The following IQSEC3 variants were observed in gnomAD, a reference collection of about 807,000 sequenced individuals.
The protein encoded by IQSEC3 is IQ motif and SEC7 domain-containing protein 3.
In IQSEC3, 50 loss-of-function variants were observed where a neutral mutation model predicts 105.4. That is an observed-to-expected ratio of 0.47 (90% CI 0.38 to 0.60). The LOEUF (loss-of-function observed/expected upper bound fraction) is 0.60, where lower values mean the gene tolerates loss of function less well. Ranked by LOEUF, IQSEC3 falls within the 20% of genes least tolerant of loss-of-function variation. The probability of loss-of-function intolerance (pLI) is 0.00; values close to 1 mark genes in which losing one functional copy is unlikely to be tolerated. For missense variants in IQSEC3, 1,415 were observed against 1,630.0 expected (o/e 0.87, Z 2.27); for synonymous variants, 708 against 746.0 (o/e 0.95, Z 0.83).
chr12:72,190 G>A (rs1555067709), intron 1 of IQSEC3, among the ~76,000 whole-genome samples: 1 of 152,184 alleles, frequency 6.6e-6, no homozygotes, highest in Non-Finnish European at 1.5e-5. Flanking sequence ...TTTTCCTGCT[G>A]GCCCAAAACC....
intron 3 of IQSEC3, chr12:137,767 C>G (rs1865826513): frequency 6.5e-6 from 1 of 154,798 alleles, no homozygotes; most frequent in African/African-American, 2.4e-5. Context: ...AGTCCTCCCA[C>G]CTCAGCCTTC....
At chr12:132,270 TG>T (rs1355489844) in intron 3 of IQSEC3, among the ~76,000 whole-genome samples, 3 of 151,866 alleles carry the variant, frequency 2.0e-5, no homozygotes, top group Non-Finnish European at 4.4e-5. Flanking sequence ...GGGAGCCTCG[TG>T]GGGGCGGTCG....
At chr12:113,219 C>T (rs1486169232) in intron 2 of IQSEC3, among the ~76,000 whole-genome samples, 3 of 152,230 alleles carry the variant, frequency 2.0e-5, no homozygotes, top group Non-Finnish European at 4.4e-5. Flanking sequence ...AGCATCGATA[C>T]TGCATTTTCC....
intron 2 of IQSEC3, among the ~76,000 whole-genome samples, chr12:104,229 A>G (rs1864563917): frequency 6.6e-6 from 1 of 152,080 alleles, no homozygotes; most frequent in Non-Finnish European, 1.5e-5. Flanking sequence ...TGGCCGAGGG[A>G]CCACTGCTAA....
At position 139,082 on chromosome 12, in the gene IQSEC3, G is replaced by C; in HGVS notation, c.1719G>C (p.Glu573Asp). ...GGGCCACAGCCCCCAAAACAGAGGA[G>C]GAAGAGGAGGAGGAGGAGACGGCGG... ...ADGATAPKTE[E>D]EEEEEETAEV... The change falls in exon 4 of 14, where the codon GAG becomes GAC. Residue 573 changes from glutamate to aspartate, a missense_variant. Glu to Asp is a conservative substitution (Grantham distance 45). Coordinates refer to ENST00000538872, the MANE Select transcript of IQSEC3 (RefSeq NM_001170738.2). 2 of 1,492,990 alleles carry C rather than the reference G, an allele frequency of 1.3e-6. No individual in the cohort carries two copies. Among genetic ancestry groups the C allele is most frequent in the East Asian group, 2.4e-5 (1 of 40,834 alleles). 92.5% of individuals were successfully genotyped at this position (1,492,990 alleles called of 1,614,324 possible). A position where few individuals can be genotyped will look rare whatever the true frequency, so the allele number is the denominator to read the frequency against.
chr12:153,276 C>T (rs1051023958), intron 5 of IQSEC3, among the ~76,000 whole-genome samples: 4 of 152,042 alleles, frequency 2.6e-5, no homozygotes, highest in Non-Finnish European at 4.4e-5. Flanking sequence ...ATGACACAGG[C>T]CCCATCAGGA....
At chr12:110,361 A>G (rs782355351) in intron 2 of IQSEC3, among the ~76,000 whole-genome samples, 4 of 151,714 alleles carry the variant, frequency 2.6e-5, no homozygotes, top group African/African-American at 4.9e-5. Flanking sequence ...CTAATCCTGA[A>G]TATTTTCTTA....
intron 11 of IQSEC3, 97 bp from the exon 12 acceptor site, chr12:168,916 C>T (rs79252645): frequency 0.053 from 53,771 of 1,022,494 alleles, 2,211 homozygotes; most frequent in East Asian, 0.19. Flanking sequence ...ACCTCTCCTC[C>T]TCTTCCTCCC....
chr12:133,851 G>A (rs1865672156), intron 3 of IQSEC3, among the ~76,000 whole-genome samples: 1 of 151,730 alleles, frequency 6.6e-6, no homozygotes. Flanking sequence ...TGGAGGTTCA[G>A]TGTGAAATAG....
chr12:109,841 G>A (rs551509874), intron 2 of IQSEC3, among the ~76,000 whole-genome samples: 10 of 152,074 alleles, frequency 6.6e-5, no homozygotes, highest in South Asian at 2.1e-4. Flanking sequence ...TCTTGCTCTC[G>A]CTCGTTTTCT....
Position 139,391 on chromosome 12 carries a change from C to A in IQSEC3, c.1991+37C>A, listed in dbSNP as rs782002528. On this transcript the variant is annotated intron_variant, in intron 4 of 13. Coordinates refer to ENST00000538872, the MANE Select transcript of IQSEC3 (RefSeq NM_001170738.2). ...CCGGCCCCCAGCCCGGAGTCCTGGG[C>A]GTCCTGGGAGGGAGGGAAGGAGGAG... 5 of 1,480,212 alleles carry A rather than the reference C, an allele frequency of 3.4e-6. No homozygotes were observed. In the South Asian group the frequency reaches 5.2e-5, roughly 15 times the overall value. The allele number at this position is 1,480,212 out of a possible 1,614,324, so 91.7% of individuals were successfully genotyped here. A position where few individuals can be genotyped will look rare whatever the true frequency, so the allele number is the denominator to read the frequency against.
chr12:76,834 C>T (rs1273501173), intron 1 of IQSEC3, among the ~76,000 whole-genome samples: 2 of 152,274 alleles, frequency 1.3e-5, no homozygotes, highest in Non-Finnish European at 2.9e-5. Flanking sequence ...CAGGATATCT[C>T]GGCCTAGCTG....
intron 1 of IQSEC3, among the ~76,000 whole-genome samples, chr12:85,218 G>A (rs550895296): frequency 1.8e-4 from 27 of 152,230 alleles, no homozygotes; most frequent in African/African-American, 5.1e-4. Context: ...GGTTAGGAAC[G>A]CTGTGGAGGC....
chr12:168,467 C>T (rs1372540229), intron 11 of IQSEC3, among the ~76,000 whole-genome samples: 5 of 152,224 alleles, frequency 3.3e-5, no homozygotes, highest in Non-Finnish European at 7.3e-5. Flanking sequence ...GCAGGCTCTG[C>T]TGTGCCAAGT....
chr12:77,927 G>C (rs536803146), intron 1 of IQSEC3, among the ~76,000 whole-genome samples: 53 of 151,786 alleles, frequency 3.5e-4, no homozygotes, highest in African/African-American at 1.3e-3. Flanking sequence ...GCCGGCAGGC[G>C]AGAAGGAATC....
At chr12:92,919 A>G (rs781859901) in intron 1 of IQSEC3, among the ~76,000 whole-genome samples, 1 of 152,210 alleles carries the variant, frequency 6.6e-6, no homozygotes, top group Non-Finnish European at 1.5e-5. Context: ...TCAAGAATGC[A>G]AGAAGCATTA....
At chr12:171,075 C>T (rs781951238) in intron 12 of IQSEC3, 37 bp from the exon 13 acceptor site, 33 of 1,612,006 alleles carry the variant, frequency 2.0e-5, no homozygotes, top group Middle Eastern at 2.0e-4. Context: ...TTGGCTCAGC[C>T]GGTGGAGAAT....
At chr12:145,552 A>T (rs1866228694) in intron 5 of IQSEC3, among the ~76,000 whole-genome samples, 1 of 152,244 alleles carries the variant, frequency 6.6e-6, no homozygotes, top group African/African-American at 2.4e-5. Context: ...TCTACTAGGC[A>T]GACAATGAGA....
intron 5 of IQSEC3, 86 bp downstream of exon 5, chr12:141,371 C>A: frequency 7.1e-7 from 1 of 1,410,850 alleles, no homozygotes; most frequent in South Asian, 1.3e-5. Context: ...TGGTGAAATC[C>A]TCGCTCCAGT....
Sources: allele counts gnomAD v4.1 joint callset (sites outside exome capture counted in the v4.1 genomes callset), GRCh38; gene constraint gnomAD v4.1.1; transcripts MANE v1.5; gene names NCBI Gene and HGNC (gene_info 2026-07-23, HGNC 2026-07-21).